ESRRB: variants seen among roughly 807,000 people sequenced by gnomAD.
The protein encoded by ESRRB is steroid hormone receptor ERR2.
ESRRB carries 16 observed loss-of-function variants against 46.0 expected under a neutral mutation model. The ratio of observed to expected loss-of-function variants is 0.35; its 90% confidence interval spans 0.24 to 0.53. The LOEUF (loss-of-function observed/expected upper bound fraction) is 0.53, where lower values mean the gene tolerates loss of function less well. Ranked by LOEUF, ESRRB falls within the 20% of genes least tolerant of loss-of-function variation. ESRRB has a pLI of 0.93. For synonymous variants in ESRRB, 246 were observed against 259.6 expected, an observed-to-expected ratio of 0.95 and a Z score of 0.50; for missense variants, 488 against 607.4, an observed-to-expected ratio of 0.80 and a Z score of 2.07.
chr14:76,450,718 G>A (rs995909834), intron 2 of ESRRB, among the ~76,000 whole-genome samples: 31 of 152,160 alleles, frequency 2.0e-4, no homozygotes, highest in Non-Finnish European at 4.3e-4. Context: ...GGAGAATGCA[G>A]CTGGCGGATC....
chr14:76,460,049 C>A (rs1888786543), intron 2 of ESRRB, among the ~76,000 whole-genome samples: 1 of 152,228 alleles, frequency 6.6e-6, no homozygotes, highest in South Asian at 2.1e-4. Context: ...GTACTCAATA[C>A]AGTTAGGCAC....
chr14:76,451,675 G>A (rs1415261165), intron 2 of ESRRB, among the ~76,000 whole-genome samples: 1 of 152,078 alleles, frequency 6.6e-6, no homozygotes, highest in South Asian at 2.1e-4. Context: ...TGCCCAGGCT[G>A]GAGTGCAGTG....
At chr14:76,316,403 C>T (rs1883800237) in intron 1 of ESRRB, among the ~76,000 whole-genome samples, 2 of 152,196 alleles carry the variant, frequency 1.3e-5, no homozygotes, top group Non-Finnish European at 2.9e-5. Flanking sequence ...CACTCCCTCC[C>T]CTCTGCTCCT....
rs201448899 is a variant in ESRRB, at chr14:76,500,004, C to T, written c.*1546C>T. The T allele has an allele frequency of 9.5e-4, 1,489 of 1,573,048 alleles. 4 individuals are homozygous for T. The highest frequency in any genetic ancestry group is 2.7e-3 in the Middle Eastern group (16 of 6,024). On this transcript the variant is annotated 3_prime_UTR_variant, in exon 7 of 7. Transcript: ENST00000644823. ...GATCCCCAATCCACGCCCTTCTAGT[C>T]CAACCCCCCTCAATGAGAGAGGCAG...
chr14:76,390,175 G>C (rs1191949161), intron 1 of ESRRB, among the ~76,000 whole-genome samples: 1 of 152,180 alleles, frequency 6.6e-6, no homozygotes, highest in Non-Finnish European at 1.5e-5. Context: ...TTCCACGTTA[G>C]ATTGCTGTAA....
chr14:76,342,065 T>G (rs1884197804), intron 1 of ESRRB, among the ~76,000 whole-genome samples: 1 of 151,808 alleles, frequency 6.6e-6, no homozygotes, highest in Admixed American at 6.6e-5. Flanking sequence ...GGAGGGCAGG[T>G]GGTGGCAGCA....
intron 1 of ESRRB, among the ~76,000 whole-genome samples, chr14:76,354,014 GT>G (rs1884345376): frequency 6.6e-6 from 1 of 152,070 alleles, no homozygotes. Flanking sequence ...CATTGCAGGG[GT>G]TTGAACCCTA....
Position 76,376,470 on chromosome 14 carries a change from G to T in ESRRB, c.50+19G>T, listed in dbSNP as rs1310765759. On this transcript the variant is annotated intron_variant, in intron 1 of 6. Transcript: ENST00000644823. This position sits in a 1 kb window ranked among gnomAD's most constrained non-coding sequence, Gnocchi z 4.1. The stretch of plus-strand genomic sequence containing the variant: ...ACAACCAGTAGGTGCCCTGCTTCTC[G>T]GTCTGTCTGTCCTTCTGCCCGTCTG... 2 of 1,230,978 alleles carry T rather than the reference G, an allele frequency of 1.6e-6. No homozygotes were observed. Among genetic ancestry groups the T allele is most frequent in the African/African-American group, 3.1e-5 (2 of 64,364 alleles). The allele number at this position is 1,230,978 out of a possible 1,614,324, so 76.3% of individuals were successfully genotyped here. A position where few individuals can be genotyped will look rare whatever the true frequency, so the allele number is the denominator to read the frequency against.
chr14:76,387,346 G>T (rs1885276547), intron 1 of ESRRB, among the ~76,000 whole-genome samples: 1 of 152,192 alleles, frequency 6.6e-6, no homozygotes, highest in African/African-American at 2.4e-5. Flanking sequence ...GAGCTCTAGA[G>T]CCCCCTACAG....
At chr14:76,450,685 G>C (rs1888348274) in intron 2 of ESRRB, among the ~76,000 whole-genome samples, 1 of 152,154 alleles carries the variant, frequency 6.6e-6, no homozygotes, top group Non-Finnish European at 1.5e-5. Flanking sequence ...TCCACCTTGG[G>C]TCGCCTCCAG....
At chr14:76,376,007 T>C (rs1884747844), upstream of ESRRB, 1 of 143,668 alleles carries the variant, frequency 7.0e-6, no homozygotes, top group Middle Eastern at 3.6e-3. The surrounding 1 kb of genome is among the most constrained non-coding windows in gnomAD (Gnocchi z 4.1). Flanking sequence ...GAAGTCTCTC[T>C]GTCTCACCCC....
chr14:76,492,157 CAATT>C (rs1311353227), intron 6 of ESRRB, among the ~76,000 whole-genome samples: 1 of 152,164 alleles, frequency 6.6e-6, no homozygotes, highest in Admixed American at 6.5e-5. Context: ...AAAAAGCACT[CAATT>C]ATTTATTTAT....
intron 1 of ESRRB, among the ~76,000 whole-genome samples, chr14:76,323,931 G>T (rs1018221583): frequency 3.3e-5 from 5 of 152,158 alleles, no homozygotes; most frequent in African/African-American, 4.8e-5. Context: ...TCTGACGAAG[G>T]CATGTAAGTA....
At position 76,500,119 on chromosome 14, in the gene ESRRB, A is replaced by G; in HGVS notation, c.*1661A>G. ...GCCCTGGTCCCACCTCCTTGGCTCT[A>G]CCCCAGGAACCTCCCGGCCTGGGCT... On this transcript the variant is annotated 3_prime_UTR_variant, in exon 7 of 7. Coordinates refer to ENST00000644823, the MANE Select transcript of ESRRB (RefSeq NM_001379180.1). 1 of 1,453,540 alleles carries G rather than the reference A, an allele frequency of 6.9e-7. No homozygotes were observed. The highest frequency in any genetic ancestry group is 2.5e-5 in the East Asian group (1 of 40,344). The allele number at this position is 1,453,540 out of a possible 1,614,324, so 90.0% of individuals were successfully genotyped here. A position where few individuals can be genotyped will look rare whatever the true frequency, so the allele number is the denominator to read the frequency against.
At chr14:76,389,227 C>G (rs1187741420) in intron 1 of ESRRB, among the ~76,000 whole-genome samples, 2 of 152,164 alleles carry the variant, frequency 1.3e-5, no homozygotes, top group Non-Finnish European at 2.9e-5. Flanking sequence ...TCAGGTATCC[C>G]CCTCTGTGTG....
chr14:76,445,260 A>G (rs1888086330), intron 2 of ESRRB, among the ~76,000 whole-genome samples: 1 of 151,366 alleles, frequency 6.6e-6, no homozygotes, highest in Admixed American at 6.6e-5. Context: ...ACCTAAGATC[A>G]GGTGTTCAGG....
intron 1 of ESRRB, among the ~76,000 whole-genome samples, chr14:76,320,241 A>G (rs1277199666): frequency 6.6e-6 from 1 of 152,256 alleles, no homozygotes; most frequent in African/African-American, 2.4e-5. Flanking sequence ...GTAGGACACT[A>G]TCTCAGAGGC....
At chr14:76,310,856 C>T (rs1246313432) in exon 1 of ESRRB, 2 of 455,354 alleles carry the variant, frequency 4.4e-6, no homozygotes, top group Non-Finnish European at 8.8e-6. Flanking sequence ...ACTGAAAGCA[C>T]CTGAGGGGCC....
chr14:76,412,579 G>A lies in ESRRB; in HGVS notation c.51-26762G>A, dbSNP rs1359713755. Among the ~76,000 whole-genome samples the A allele has an allele frequency of 5.3e-5, 8 of 152,162 alleles. No individual in the cohort carries two copies. In the East Asian group the frequency reaches 1.2e-3, roughly 22 times the overall value. ...GCAAACCACACCTTTTCACCAGATC[G>A]TCATGCCAACCCCATCCTCCCCCAA... On this transcript the variant is annotated intron_variant, in intron 1 of 6. Coordinates refer to ENST00000644823, the MANE Select transcript of ESRRB (RefSeq NM_001379180.1).
Sources: allele counts gnomAD v4.1 joint callset (sites outside exome capture counted in the v4.1 genomes callset), GRCh38; gene constraint gnomAD v4.1.1; non-coding constraint Gnocchi (gnomAD v3.1); transcripts MANE v1.5; gene names NCBI Gene and HGNC (gene_info 2026-07-23, HGNC 2026-07-21).